Variants in PRIM2 observed in about 807,000 individuals in gnomAD.
PRIM2 encodes the protein DNA primase large subunit.
Under a neutral mutation model 67.3 loss-of-function variants are expected in PRIM2, and 39 were observed. The observed-to-expected ratio is 0.58, with a 90% CI of 0.45 to 0.76. The LOEUF (loss-of-function observed/expected upper bound fraction) is 0.76. Among genes scored for constraint, PRIM2 ranks in the 30% least tolerant of loss-of-function variants. PRIM2 has a pLI of 0.00. For synonymous variants in PRIM2, 143 were observed against 198.7 expected (o/e 0.72, Z 2.36); for missense variants, 398 against 598.7 (o/e 0.66, Z 3.50).
intron 8 of PRIM2, among the ~76,000 whole-genome samples, chr6:57,525,900 G>T (rs1554349315): frequency 1.3e-5 from 2 of 152,094 alleles, no homozygotes; most frequent in African/African-American, 4.8e-5. Flanking sequence ...TGAGAGATAG[G>T]GGGGTTGTAC....
chr6:57,619,973 G>T, intron 12 of PRIM2, among the ~76,000 whole-genome samples: 1 of 152,136 alleles, frequency 6.6e-6, no homozygotes, highest in East Asian at 1.9e-4. Context: ...GAGGCAGATG[G>T]ATCATGAGGT....
intron 5 of PRIM2, among the ~76,000 whole-genome samples, chr6:57,345,463 G>GATATATAT (rs777341431): frequency 4.6e-5 from 5 of 109,522 alleles, no homozygotes; most frequent in Non-Finnish European, 9.4e-5. Flanking sequence ...CACCATGCCT[G>GATATATAT]ATATATATAT....
At chr6:57,521,482 T>A (rs1326518013) in intron 8 of PRIM2, among the ~76,000 whole-genome samples, 1 of 151,922 alleles carries the variant, frequency 6.6e-6, no homozygotes, top group East Asian at 1.9e-4. Context: ...TGAAATTGTT[T>A]TTCCATTTGT....
At chr6:57,340,480 G>A (rs1768436319) in intron 5 of PRIM2, among the ~76,000 whole-genome samples, 1 of 152,150 alleles carries the variant, frequency 6.6e-6, no homozygotes, top group Admixed American at 6.5e-5. Flanking sequence ...TGATAGACTG[G>A]ATTAAGTAAA....
intron 5 of PRIM2, among the ~76,000 whole-genome samples, chr6:57,340,048 C>T (rs1247227009): frequency 3.3e-5 from 5 of 151,744 alleles, no homozygotes; most frequent in South Asian, 2.1e-4. Context: ...GGGCAAAGGA[C>T]ATGAACAGAC....
At chr6:57,539,660 A>G (rs1358329223) in intron 10 of PRIM2, among the ~76,000 whole-genome samples, 5,553 of 65,706 alleles carry the variant, frequency 0.085, 115 homozygotes, top group Non-Finnish European at 0.11. Context: ...GTGTGTGTAT[A>G]TATATATATA....
chr6:57,405,079 CCCTATG>C (rs1770838463), intron 7 of PRIM2, among the ~76,000 whole-genome samples: 1 of 150,024 alleles, frequency 6.7e-6, no homozygotes, highest in Non-Finnish European at 1.5e-5. Flanking sequence ...CAGATTTTAT[CCCTATG>C]CCTACTTGTG....
intron 5 of PRIM2, among the ~76,000 whole-genome samples, chr6:57,350,061 T>G (rs2127300139): frequency 6.6e-6 from 1 of 152,320 alleles, no homozygotes; most frequent in East Asian, 1.9e-4. Context: ...TTCTTGTGAA[T>G]GCAGAGCTTC....
At chr6:57,547,181 G>T (rs1271971693) in intron 10 of PRIM2, among the ~76,000 whole-genome samples, 39 of 152,190 alleles carry the variant, frequency 2.6e-4, no homozygotes, top group Admixed American at 7.2e-4. Flanking sequence ...TTACAAGCCT[G>T]TCTACCTGAA....
chr6:57,321,617 T>A (rs928176966), intron 3 of PRIM2, among the ~76,000 whole-genome samples: 3 of 152,136 alleles, frequency 2.0e-5, no homozygotes, highest in Non-Finnish European at 4.4e-5. Context: ...AGTAGTGTCA[T>A]AGAAGCCAAG....
intron 10 of PRIM2, among the ~76,000 whole-genome samples, chr6:57,570,836 G>C (rs1170968343): frequency 2.6e-5 from 4 of 152,172 alleles, no homozygotes; most frequent in Admixed American, 6.5e-5. Flanking sequence ...TCAGTTTTTA[G>C]TGAGAGACTT....
chr6:57,342,786 A>C lies in PRIM2; in HGVS notation c.459+16741A>C, dbSNP rs554087992. On this transcript the variant is annotated intron_variant, in intron 5 of 13. Transcript: ENST00000615550. ...TCAGGGAAGTGAGGGCTTTTGGGTG[A>C]AGGCAAGTGAAGTTGGTAACCTCGT... 5.3e-5 allele frequency among the ~76,000 whole-genome samples: 8 copies of C among 152,330 alleles called. No individual in the cohort carries two copies. The South Asian group carries it at 1.7e-3, about 32-fold the overall frequency.
the PRIM2 span, among the ~76,000 whole-genome samples, chr6:57,243,738 G>A: frequency 6.6e-6 from 1 of 152,210 alleles, no homozygotes; most frequent in Non-Finnish European, 1.5e-5. Context: ...GCCTCCCGAA[G>A]TGCTGGGATT....
At chr6:57,375,427 G>A (rs1183684640) in intron 5 of PRIM2, among the ~76,000 whole-genome samples, 3 of 152,290 alleles carry the variant, frequency 2.0e-5, no homozygotes, top group Admixed American at 1.3e-4. Flanking sequence ...CAAGTTGATC[G>A]TGGTGGATAA....
chr6:57,290,330 T>C, the PRIM2 span, among the ~76,000 whole-genome samples: 4 of 152,124 alleles, frequency 2.6e-5, no homozygotes, highest in Non-Finnish European at 4.4e-5. Context: ...ATGCACCCAA[T>C]ACAGGGACAC....
chr6:57,314,672 A>G (rs914131371), upstream of PRIM2: 3 of 152,238 alleles, frequency 2.0e-5, no homozygotes, highest in African/African-American at 7.2e-5. Flanking sequence ...TAAAACTTAC[A>G]TGTTTATGTA....
chr6:57,283,756 C>T, the PRIM2 span, among the ~76,000 whole-genome samples: 2 of 152,084 alleles, frequency 1.3e-5, no homozygotes, highest in Non-Finnish European at 2.9e-5. Context: ...TGATGCTTCC[C>T]ATATTGTCTT....
intron 10 of PRIM2, among the ~76,000 whole-genome samples, chr6:57,546,592 T>G (rs1420291092): frequency 2.6e-5 from 4 of 152,130 alleles, no homozygotes; most frequent in African/African-American, 9.7e-5. Context: ...ATTCTTCCAT[T>G]TATTACTCAT....
chr6:57,462,894 A>G (rs1478190693), intron 7 of PRIM2, among the ~76,000 whole-genome samples: 1 of 152,228 alleles, frequency 6.6e-6, no homozygotes, highest in Non-Finnish European at 1.5e-5. Flanking sequence ...ACTGCTTCGT[A>G]GAGAAGCTGA....
Sources: gnomAD v4.1 joint callset for allele counts (sites outside exome capture counted in the v4.1 genomes callset) on GRCh38, gnomAD v4.1.1 for gene constraint, MANE v1.5 for transcripts, NCBI Gene and HGNC (gene_info 2026-07-23, HGNC 2026-07-21) for gene names.